VWA3B: variants seen among roughly 807,000 people sequenced by gnomAD.
VWA3B encodes von Willebrand factor A domain containing 3B, also known as von Willebrand factor A domain-containing protein 3B.
Under a neutral mutation model 158.3 loss-of-function variants are expected in VWA3B, and 138 were observed. That is an observed-to-expected ratio of 0.87 (90% confidence interval 0.76 to 1.00). The LOEUF (loss-of-function observed/expected upper bound fraction) is 1.00, where lower values mean the gene tolerates loss of function less well. VWA3B is among the 50% of genes least tolerant of loss of function. VWA3B has a pLI of 0.00. For missense variants in VWA3B, 1,555 were observed against 1,565.1 expected, an observed-to-expected ratio of 0.99 and a Z score of 0.11; for synonymous variants, 596 against 587.3, an observed-to-expected ratio of 1.01 and a Z score of -0.21.
chr2:98,121,355 C>A lies in VWA3B; in HGVS notation c.599C>A (p.Ser200Tyr), dbSNP rs1369273764. 5 of 1,614,176 alleles carry A rather than the reference C, an allele frequency of 3.1e-6. No homozygotes were observed. Among genetic ancestry groups the A allele is most frequent in the Non-Finnish European group, 4.2e-6 (5 of 1,180,034 alleles). ...AATGCTACTCCTGTGACCGAACAGTCCATAGCTACTGCCATCAGTTGGGTT... is the reference window on the plus strand; with the variant it reads ...AATGCTACTCCTGTGACCGAACAGTACATAGCTACTGCCATCAGTTGGGTT... ...QENATPVTEQ[S>Y]IATAISWVEK... Residue 200 changes from serine to tyrosine, a missense_variant, in exon 5 of 28, where the codon TCC (serine) becomes TAC (tyrosine). Ser to Tyr is a moderately radical substitution (Grantham distance 144, BLOSUM62 -2). Transcript: ENST00000477737.
chr2:98,241,748 G>A (rs1409214864), intron 19 of VWA3B, among the ~76,000 whole-genome samples: 1 of 151,982 alleles, frequency 6.6e-6, no homozygotes, highest in African/African-American at 2.4e-5. Flanking sequence ...ACTTGTGCTT[G>A]GTGCCTTCTG....
intron 10 of VWA3B, among the ~76,000 whole-genome samples, chr2:98,190,915 T>A (rs771751771): frequency 3.9e-5 from 6 of 152,200 alleles, no homozygotes; most frequent in Non-Finnish European, 8.8e-5. Context: ...ATTGTGGTCA[T>A]ATTTTCTCAA....
At chr2:98,151,382 G>A (rs943791075) in intron 7 of VWA3B, among the ~76,000 whole-genome samples, 1 of 152,218 alleles carries the variant, frequency 6.6e-6, no homozygotes, top group Non-Finnish European at 1.5e-5. Flanking sequence ...TGGGATCACA[G>A]GTGTGAGCCA....
intron 7 of VWA3B, among the ~76,000 whole-genome samples, chr2:98,136,262 C>T (rs751606526): frequency 7.9e-5 from 12 of 152,124 alleles, no homozygotes; most frequent in Non-Finnish European, 1.6e-4. Context: ...CTATCTTAAC[C>T]ACTCTTAAGC....
chr2:98,222,972 G>A (rs1684633062), intron 14 of VWA3B, among the ~76,000 whole-genome samples: 1 of 152,294 alleles, frequency 6.6e-6, no homozygotes, highest in Non-Finnish European at 1.5e-5. Context: ...GCCCCAATTT[G>A]AATGAGAAAT....
chr2:98,167,083 C>T lies in VWA3B; in HGVS notation c.1114+4107C>T, dbSNP rs1032274415. ...GCCTCCTAGGAAGGCAGCAGCTGTT[C>T]CCCTAAGCTGGCTGCTCAGGGCCTG... On this transcript the variant is annotated intron_variant, in intron 8 of 27. Coordinates refer to ENST00000477737, the MANE Select transcript of VWA3B (RefSeq NM_144992.5). Among the ~76,000 whole-genome samples the T allele has an allele frequency of 4.6e-5, 7 of 152,234 alleles. No homozygotes were observed. In the South Asian group the frequency reaches 1.5e-3, roughly 32 times the overall value.
chr2:98,087,995 A>G (rs1681984470), intron 1 of VWA3B, among the ~76,000 whole-genome samples: 1 of 152,154 alleles, frequency 6.6e-6, no homozygotes, highest in African/African-American at 2.4e-5. Context: ...CAACGGTGGG[A>G]CAGTCCGTTT....
At chr2:98,120,483 A>G (rs1489040368) in intron 4 of VWA3B, among the ~76,000 whole-genome samples, 1 of 152,204 alleles carries the variant, frequency 6.6e-6, no homozygotes, top group Admixed American at 6.5e-5. Context: ...CAGGTGTATT[A>G]CTGAAGGAAT....
At chr2:98,253,054 T>A (rs1558729461) in intron 20 of VWA3B, among the ~76,000 whole-genome samples, 1 of 152,188 alleles carries the variant, frequency 6.6e-6, no homozygotes, top group Admixed American at 6.5e-5. Context: ...ACATTGTTAT[T>A]TAATATTAAT....
In VWA3B at chr2:98,236,427, C is replaced by T. The variant is rs759882934; in HGVS notation, c.2466C>T (p.Asp822=). 1.2e-6 allele frequency: 2 copies of T among 1,614,056 alleles called. No homozygotes were observed. Among genetic ancestry groups the T allele is most frequent in the Admixed American group, 3.3e-5 (2 of 60,000 alleles). ...TGCTGGCTGAGGAGTGGCTGGATGA[C>T]AAATCGTCAGAAAAGGTGACGCGAG... The part of the protein sequence containing the change: ...SILLAEEWLD[D]KSSEKVTREG... Residue 822 remains aspartate, a synonymous_variant, in exon 18 of 28, where the codon GAC becomes GAT. Coordinates refer to ENST00000477737, the MANE Select transcript of VWA3B (RefSeq NM_144992.5).
At chr2:98,308,860 C>T (rs1690702004) in intron 26 of VWA3B, among the ~76,000 whole-genome samples, 1 of 152,180 alleles carries the variant, frequency 6.6e-6, no homozygotes, top group Admixed American at 6.5e-5. Flanking sequence ...CTTGTTTTTA[C>T]CTTCAAGACT....
downstream of VWA3B, among the ~76,000 whole-genome samples, chr2:98,314,052 A>G (rs1369932955): frequency 6.6e-6 from 1 of 152,300 alleles, no homozygotes; most frequent in South Asian, 2.1e-4. Flanking sequence ...GGTGATAAGG[A>G]CAGTGCTCTT....
chr2:98,208,289 G>A (rs745640000), intron 12 of VWA3B, among the ~76,000 whole-genome samples: 37 of 151,988 alleles, frequency 2.4e-4, no homozygotes, highest in African/African-American at 7.5e-4. Context: ...AGCATAAATC[G>A]GGTCATGTTT....
At chr2:98,260,170 T>A (rs1260460656) in intron 21 of VWA3B, among the ~76,000 whole-genome samples, 1 of 151,818 alleles carries the variant, frequency 6.6e-6, no homozygotes, top group East Asian at 1.9e-4. Context: ...AAATGTTACA[T>A]GTGCACTTAA....
At chr2:98,317,511 G>A (rs1395156597), downstream of VWA3B, among the ~76,000 whole-genome samples, 1 of 152,162 alleles carries the variant, frequency 6.6e-6, no homozygotes, top group Non-Finnish European at 1.5e-5. Flanking sequence ...TATTCTCTCT[G>A]AAGCCTGCTA....
At chr2:98,232,165 T>C (rs1047959931) in intron 16 of VWA3B, among the ~76,000 whole-genome samples, 1 of 152,222 alleles carries the variant, frequency 6.6e-6, no homozygotes, top group East Asian at 1.9e-4. Context: ...ATTTCTGTAA[T>C]GGTTTTAAGG....
chr2:98,271,090 A>G (rs1688174009), intron 22 of VWA3B, among the ~76,000 whole-genome samples: 1 of 150,236 alleles, frequency 6.7e-6, no homozygotes, highest in Admixed American at 6.8e-5. Flanking sequence ...TTTTAAAACA[A>G]TACGTCTTTT....
Position 98,193,780 on chromosome 2 carries a change from G to T in VWA3B, c.1606-581G>T, listed in dbSNP as rs560057923. Among the ~76,000 whole-genome samples, 433 of 152,154 alleles carry T rather than the reference G, an allele frequency of 2.8e-3. 2 individuals carry two copies. The highest frequency in any genetic ancestry group is 1.0e-2 in the African/African-American group (414 of 41,522). ...AATTTTTGTATTTTTAGTAGAGACGGGGTTTCACCGTGTTAGCCAAGATGG... is the reference window on the plus strand; with the variant it reads ...AATTTTTGTATTTTTAGTAGAGACGTGGTTTCACCGTGTTAGCCAAGATGG... On this transcript the variant is annotated intron_variant, in intron 11 of 27. Transcript: ENST00000477737.
chr2:98,308,132 T>C (rs56708685), intron 26 of VWA3B, among the ~76,000 whole-genome samples: 4,181 of 152,336 alleles, frequency 0.027, 196 homozygotes, highest in African/African-American at 0.094. Flanking sequence ...GATTGGCTTA[T>C]AAAATATGTT....
Sources: allele counts gnomAD v4.1 joint callset (sites outside exome capture counted in the v4.1 genomes callset), GRCh38; gene constraint gnomAD v4.1.1; transcripts MANE v1.5; gene names NCBI Gene and HGNC (gene_info 2026-07-23, HGNC 2026-07-21).